LTBP4: variants seen among roughly 807,000 people sequenced by gnomAD.
LTBP4 encodes latent transforming growth factor beta binding protein 4.
Under a neutral mutation model 180.2 loss-of-function variants are expected in LTBP4, and 93 were observed. The ratio of observed to expected loss-of-function variants is 0.52; its 90% CI spans 0.44 to 0.61. The LOEUF is 0.61. LTBP4 is among the 20% of genes least tolerant of loss of function. The pLI is 0.00. For synonymous variants in LTBP4, 947 were observed against 934.5 expected (o/e 1.01, Z -0.24); for missense variants, 2,116 against 2,256.5 (o/e 0.94, Z 1.26).
At chr19:40,620,144 GGAAA>G (rs993137159) in intron 22 of LTBP4, among the ~76,000 whole-genome samples, 2 of 152,168 alleles carry the variant, frequency 1.3e-5, no homozygotes, top group Non-Finnish European at 2.9e-5. Flanking sequence ...ATGGGGCCAG[GGAAA>G]GAGTCAGGTG....
At position 40,613,804 on chromosome 19, in the gene LTBP4, G is replaced by T; in HGVS notation, c.2558-112G>T. ...CAGGGAGGGAAGTAGCGTGAGGCAG[G>T]TTGGGGAAGGCGTGAGAGGCCTAGG... On this transcript the variant is annotated intron_variant, in intron 17 of 29. Coordinates refer to ENST00000396819, the MANE Select transcript of LTBP4 (RefSeq NM_001042545.2). The surrounding 1 kb of genome is among the most constrained non-coding windows in gnomAD (Gnocchi z 5.0). 4 of 1,498,522 alleles carry T rather than the reference G, an allele frequency of 2.7e-6. No individual in the cohort carries two copies. The South Asian group carries it at 4.7e-5, about 18-fold the overall frequency. 92.8% of individuals were successfully genotyped at this position (1,498,522 alleles called of 1,614,324 possible).
intron 1 of LTBP4, among the ~76,000 whole-genome samples, chr19:40,595,578 G>A (rs747652456): frequency 6.6e-6 from 1 of 152,092 alleles, no homozygotes; most frequent in Non-Finnish European, 1.5e-5. Flanking sequence ...TGAGTCTCAA[G>A]CTGGGCTTGA....
intron 26 of LTBP4, 39 bp downstream of exon 26, chr19:40,624,121 G>C (rs1316359807): frequency 2.7e-6 from 4 of 1,485,652 alleles, no homozygotes; most frequent in Non-Finnish European, 3.6e-6. Flanking sequence ...CCTTCCCTTG[G>C]CTCGGCCTCA....
Position 40,612,975 on chromosome 19 carries a change from C to T in LTBP4, c.2300-90C>T, listed in dbSNP as rs2081517710. Reference sequence around the variant, plus strand: ...CCCAGCCTCCAACTCATGAGACTTCCCACCACCTCCCCCAGACACCCTACT... The same window carrying T: ...CCCAGCCTCCAACTCATGAGACTTCTCACCACCTCCCCCAGACACCCTACT... On this transcript the variant is annotated intron_variant, in intron 15 of 29. Coordinates refer to ENST00000396819, the MANE Select transcript of LTBP4 (RefSeq NM_001042545.2). 4 of 1,385,710 alleles carry T rather than the reference C, an allele frequency of 2.9e-6. No individual in the cohort carries two copies. The South Asian group carries it at 5.1e-5, about 18-fold the overall frequency. The allele number at this position is 1,385,710 out of a possible 1,614,324, so 85.8% of individuals were successfully genotyped here.
At chr19:40,608,056 G>C (rs1406480849) in intron 7 of LTBP4, among the ~76,000 whole-genome samples, 164 bp from the exon 8 acceptor site, 2 of 152,130 alleles carry the variant, frequency 1.3e-5, no homozygotes, top group Non-Finnish European at 2.9e-5. Context: ...TAGCCTCTAA[G>C]ACATTCTACT....
At chr19:40,599,823 C>T (rs2081411325), upstream of LTBP4, 1 of 568,220 alleles carries the variant, frequency 1.8e-6, no homozygotes, top group Non-Finnish European at 3.1e-6. Context: ...CTGTGTCTCA[C>T]TGCCTGCCTC....
Position 40,619,789 on chromosome 19 carries a change from A to G in LTBP4, c.3217+296A>G, listed in dbSNP as rs113861256. Among the ~76,000 whole-genome samples the G allele has an allele frequency of 9.2e-3, 1,394 of 152,342 alleles. 23 individuals carry two copies. Among genetic ancestry groups the G allele is most frequent in the African/African-American group, 0.032 (1,330 of 41,572 alleles). On this transcript the variant is annotated intron_variant, in intron 22 of 29. Transcript: ENST00000396819. ...CAGAAGGGATCACTGTCTGTCCTCAAGGGGCTCACAAGCCAATGGGGCAGA... is the reference window on the plus strand; with the variant it reads ...CAGAAGGGATCACTGTCTGTCCTCAGGGGGCTCACAAGCCAATGGGGCAGA...
Position 40,601,568 on chromosome 19 carries a change from C to A in LTBP4, c.181C>A (p.Arg61Ser). The A allele has an allele frequency of 6.8e-7, 1 of 1,472,288 alleles. No homozygotes were observed. The highest frequency in any genetic ancestry group is 8.9e-7 in the Non-Finnish European group (1 of 1,117,386). The allele number at this position is 1,472,288 out of a possible 1,614,324, so 91.2% of individuals were successfully genotyped here. Residue 61 changes from arginine (R) to serine (S), a missense_variant, in exon 1 of 30, where the codon CGC becomes AGC. Arg to Ser is a moderately radical substitution (Grantham distance 110). Coordinates refer to ENST00000396819, the MANE Select transcript of LTBP4 (RefSeq NM_001042545.2). ...GSRCTPTCAPRNATSVDSGAP... is the reference protein window; with the variant it reads ...GSRCTPTCAPSNATSVDSGAP... Reference sequence around the variant, plus strand: ...CCGCTGTACCCCGACCTGCGCGCCCCGCAACGCCACCAGCGTGGACAGCGG... The same window carrying A: ...CCGCTGTACCCCGACCTGCGCGCCCAGCAACGCCACCAGCGTGGACAGCGG...
chr19:40,599,975 G>A (rs2081412256), upstream of LTBP4: 3 of 589,316 alleles, frequency 5.1e-6, no homozygotes, highest in Non-Finnish European at 5.3e-6. Flanking sequence ...GGGCAGAGCC[G>A]CTACTGAAAG....
At chr19:40,626,942 G>A in intron 27 of LTBP4, 33 bp from the exon 28 acceptor site, 2 of 1,520,726 alleles carry the variant, frequency 1.3e-6, no homozygotes, top group Middle Eastern at 1.8e-4. Context: ...GGGCCAGCAG[G>A]GGCTGATTGT....
chr19:40,595,511 C>T, intron 1 of LTBP4, among the ~76,000 whole-genome samples: 1 of 151,980 alleles, frequency 6.6e-6, no homozygotes, highest in East Asian at 1.9e-4. Flanking sequence ...TATTGCCATC[C>T]CCAGAGGGTA....
chr19:40,604,141 A>T (rs1197132321), intron 1 of LTBP4, among the ~76,000 whole-genome samples: 2 of 152,160 alleles, frequency 1.3e-5, no homozygotes, highest in African/African-American at 4.8e-5. Flanking sequence ...GAGGGGCGTG[A>T]ACAAGTGAGC....
chr19:40,625,300 ATATATATATATATATATT>A lies in LTBP4; in HGVS notation c.3833-555_3833-538del, dbSNP rs2081623522. On this transcript the variant is annotated intron_variant, in intron 26 of 29. Coordinates refer to ENST00000396819, the MANE Select transcript of LTBP4 (RefSeq NM_001042545.2). Reference sequence around the variant, plus strand: ...TATATATATATATATATATATATATATATATATATATATATATTTTTTTTTTTAAAGATGGGTTTTTGC... The same window carrying A: ...TATATATATATATATATATATATATATTTTTTTTTAAAGATGGGTTTTTGC... Among the ~76,000 whole-genome samples the A allele has an allele frequency of 4.3e-4, 5 of 11,520 alleles. 1 individual carries two copies. The highest frequency in any genetic ancestry group is 8.7e-4 in the Admixed American group (1 of 1,150). The allele number at this position is 11,520 out of a possible 152,430, so 7.6% of individuals were successfully genotyped here.
chr19:40,608,631 G>C (rs1265103542), intron 9 of LTBP4, 28 bp downstream of exon 9: 2 of 1,560,438 alleles, frequency 1.3e-6, no homozygotes, highest in Non-Finnish European at 1.7e-6. Context: ...GAGGGCATTG[G>C]GCCTGCAGCA....
chr19:40,627,103 C>T lies in LTBP4; in HGVS notation c.4114C>T (p.Pro1372Ser), dbSNP rs1256092028. The T allele has an allele frequency of 2.5e-6, 4 of 1,613,842 alleles. No individual in the cohort carries two copies. The highest frequency in any genetic ancestry group is 3.4e-6 in the Non-Finnish European group (4 of 1,179,870). ...GPPYQGLPYGPELYPPPALPY... is the reference protein window; with the variant it reads ...GPPYQGLPYGSELYPPPALPY... ...ACCTTACCAGGGCCTCCCATATGGG[C>T]CTGAGTTGTACCCACCACCTGCGCT... is the stretch of plus-strand genomic sequence containing the variant. Residue 1372 changes from proline to serine, a missense_variant, in exon 28 of 30, where the codon CCT (proline) becomes TCT (serine). Coordinates refer to ENST00000396819, the MANE Select transcript of LTBP4 (RefSeq NM_001042545.2).
chr19:40,608,266 G>C lies in LTBP4; in HGVS notation c.1203G>C (p.Ser401=). The C allele has an allele frequency of 8.1e-6, 13 of 1,613,850 alleles. No individual in the cohort carries two copies. The highest frequency in any genetic ancestry group is 1.1e-5 in the Non-Finnish European group (13 of 1,179,866). The change falls in exon 8 of 30, where the codon TCG becomes TCC. Residue 401 remains serine, a synonymous_variant. Transcript: ENST00000396819. ...ICPAGPGYHY[S]ASDLRYNTRP... is the part of the protein sequence containing the mutation. ...CGGCTGGTCCTGGTTACCACTACTC[G>C]GCCTCCGACCTCCGCTACAACACCA...
intron 19 of LTBP4, chr19:40,615,345 T>C (rs1352454132): frequency 6.6e-6 from 1 of 152,198 alleles, no homozygotes; most frequent in Non-Finnish European, 1.5e-5. Context: ...AAGAATTCAC[T>C]AAGCACCTAC....
At position 40,629,653 on chromosome 19, in the gene LTBP4, A is replaced by T; in HGVS notation, c.*103A>T. On this transcript the variant is annotated 3_prime_UTR_variant, in exon 30 of 30. Transcript: ENST00000396819. The surrounding 1 kb of genome is among the most constrained non-coding windows in gnomAD (Gnocchi z 4.5). ...TATGTGCACGGGGCCGCCCGCCTGGACCTGGAGAAGGGACCTACGGACGCC... is the reference window on the plus strand; with the variant it reads ...TATGTGCACGGGGCCGCCCGCCTGGTCCTGGAGAAGGGACCTACGGACGCC... The T allele has an allele frequency of 1.7e-6, 2 of 1,201,346 alleles. No homozygotes were observed. The highest frequency in any genetic ancestry group is 2.1e-6 in the Non-Finnish European group (2 of 943,368). 74.4% of individuals were successfully genotyped at this position (1,201,346 alleles called of 1,614,324 possible). A position where few individuals can be genotyped will look rare whatever the true frequency, so the allele number is the denominator to read the frequency against.
chr19:40,629,798 T>G lies in LTBP4; in HGVS notation c.*248T>G. ...CCTCTCCCTTTTATAAAATTTTCCA[T>G]TAAAAACCACCTATTTTCTATCTTT... On this transcript the variant is annotated 3_prime_UTR_variant, in exon 30 of 30. Coordinates refer to ENST00000396819, the MANE Select transcript of LTBP4 (RefSeq NM_001042545.2). The surrounding 1 kb of genome is among the most constrained non-coding windows in gnomAD (Gnocchi z 4.5). 1 of 334,142 alleles carries G rather than the reference T, an allele frequency of 3.0e-6. No homozygotes were observed. The highest frequency in any genetic ancestry group is 5.4e-6 in the Non-Finnish European group (1 of 185,654). 20.7% of individuals were successfully genotyped at this position (334,142 alleles called of 1,614,324 possible). A position where few individuals can be genotyped will look rare whatever the true frequency, so the allele number is the denominator to read the frequency against.
Sources: allele counts gnomAD v4.1 joint callset (sites outside exome capture counted in the v4.1 genomes callset), GRCh38; gene constraint gnomAD v4.1.1; non-coding constraint Gnocchi (gnomAD v3.1); transcripts MANE v1.5; gene names NCBI Gene and HGNC (gene_info 2026-07-23, HGNC 2026-07-21).